INTS4: variants seen among roughly 807,000 people sequenced by gnomAD.
The protein encoded by INTS4 is MSTP093.
In INTS4, 70 loss-of-function variants were observed where a neutral mutation model predicts 119.5. The observed-to-expected ratio is 0.59, with a 90% CI of 0.48 to 0.71. The LOEUF (loss-of-function observed/expected upper bound fraction) is 0.71. Ranked by LOEUF, INTS4 falls within the 30% of genes least tolerant of loss-of-function variation. The pLI is 0.00. For missense variants in INTS4, 867 were observed against 1,173.2 expected, an observed-to-expected ratio of 0.74 and a Z score of 3.81; for synonymous variants, 316 against 419.6, an observed-to-expected ratio of 0.75 and a Z score of 3.02.
chr11:77,914,636 G>A (rs572400852), intron 15 of INTS4, among the ~76,000 whole-genome samples: 73 of 152,300 alleles, frequency 4.8e-4, no homozygotes, highest in African/African-American at 1.6e-3. Flanking sequence ...TTTACAGGCC[G>A]TATGGTCTCT....
chr11:77,916,119 T>C (rs1193012368), intron 15 of INTS4, among the ~76,000 whole-genome samples: 4 of 152,240 alleles, frequency 2.6e-5, no homozygotes, highest in Non-Finnish European at 5.9e-5. Context: ...AATTTCTTTC[T>C]GCTTAAATTA....
Position 77,948,659 on chromosome 11 carries a change from AAAAAAAAAC to A in INTS4, c.918+7274_918+7282del, listed in dbSNP as rs1373884575. Among the ~76,000 whole-genome samples the A allele has an allele frequency of 7.8e-3, 600 of 77,166 alleles. 8 individuals carry two copies. Among genetic ancestry groups the A allele is most frequent in the East Asian group, 0.045 (139 of 3,066 alleles). The allele number at this position is 77,166 out of a possible 152,430, so 50.6% of individuals were successfully genotyped here. A position where few individuals can be genotyped will look rare whatever the true frequency, so the allele number is the denominator to read the frequency against. On this transcript the variant is annotated intron_variant, in intron 8 of 22. Coordinates refer to ENST00000534064, the MANE Select transcript of INTS4 (RefSeq NM_033547.4). Reference sequence around the variant, plus strand: ...GAGACCCTGTCTCAAAGAAACAAAAAAAAAAAAACAAAAAAAAAAAAGAAGAAGAAGAAG... The same window carrying A: ...GAGACCCTGTCTCAAAGAAACAAAAAAAAAAAAAAAAAGAAGAAGAAGAAG...
chr11:77,911,022 A>G (rs1483551724), intron 15 of INTS4: 6 of 1,288,970 alleles, frequency 4.7e-6, no homozygotes, highest in Non-Finnish European at 6.1e-6. Context: ...GGCATAACAC[A>G]TCAGGTTTCA....
chr11:77,920,745 G>A (rs1049173317), intron 14 of INTS4, among the ~76,000 whole-genome samples: 3 of 151,896 alleles, frequency 2.0e-5, no homozygotes, highest in South Asian at 2.1e-4. Context: ...CCAGCTACTC[G>A]GGAGGCTGAG....
intron 4 of INTS4, among the ~76,000 whole-genome samples, chr11:77,974,043 A>G (rs1230252932): frequency 6.6e-6 from 1 of 152,082 alleles, no homozygotes; most frequent in Non-Finnish European, 1.5e-5. Flanking sequence ...TTCACCAGTG[A>G]AGCCATTGAG....
intron 5 of INTS4, among the ~76,000 whole-genome samples, chr11:77,960,720 G>T (rs1393277221): frequency 1.3e-5 from 2 of 152,044 alleles, no homozygotes; most frequent in South Asian, 2.1e-4. Flanking sequence ...AATTATAACA[G>T]GTTCCTATTG....
At chr11:77,957,068 G>A (rs974937483) in intron 7 of INTS4, among the ~76,000 whole-genome samples, 12 of 151,956 alleles carry the variant, frequency 7.9e-5, no homozygotes, top group Admixed American at 3.3e-4. Flanking sequence ...CTGAGTAGCC[G>A]GGACTACAAA....
chr11:77,974,821 G>A (rs113102520), intron 4 of INTS4, among the ~76,000 whole-genome samples: 114 of 152,114 alleles, frequency 7.5e-4, no homozygotes, highest in Non-Finnish European at 1.4e-3. Context: ...GGCTGGTCTT[G>A]AACTCCTGGG....
chr11:77,874,677 A>C (rs1951550271), downstream of INTS4, among the ~76,000 whole-genome samples: 1 of 152,090 alleles, frequency 6.6e-6, no homozygotes, highest in Non-Finnish European at 1.5e-5. Context: ...AAAGCCTCTG[A>C]GTTAGTTTGT....
chr11:77,956,725 TA>T (rs1954335152), intron 7 of INTS4, among the ~76,000 whole-genome samples: 3 of 13,948 alleles, frequency 2.2e-4, no homozygotes, highest in Non-Finnish European at 3.8e-4. Flanking sequence ...ATAATAATAA[TA>T]ATAATAATAA....
Position 77,991,114 on chromosome 11 carries a change from A to G in INTS4, c.240T>C (p.Tyr80=), listed in dbSNP as rs192779036. 157 of 1,613,646 alleles carry G rather than the reference A, an allele frequency of 9.7e-5. No individual in the cohort carries two copies. The East Asian group carries it at 2.2e-3, about 22-fold the overall frequency. The change falls in exon 2 of 23, where the codon TAT becomes TAC. Residue 80 remains tyrosine (Y), a synonymous_variant. Transcript: ENST00000534064. ...EGVVRILLEH[Y]YKENDPSVRL... ...ATCCTCAAGATTTTCTTACCTTGTA[A>G]TAATGTTCCAAGAGAATCCTGACTA...
At chr11:77,952,897 T>C (rs892304647) in intron 8 of INTS4, among the ~76,000 whole-genome samples, 2 of 152,154 alleles carry the variant, frequency 1.3e-5, no homozygotes, top group Non-Finnish European at 2.9e-5. Flanking sequence ...TCCTCCCCAC[T>C]CCCACCTAGA....
chr11:77,975,784 C>T (rs1855923882), intron 4 of INTS4, among the ~76,000 whole-genome samples: 1 of 151,890 alleles, frequency 6.6e-6, no homozygotes, highest in Non-Finnish European at 1.5e-5. Flanking sequence ...GGTGAAACCC[C>T]GTCTCTACTA....
intron 13 of INTS4, among the ~76,000 whole-genome samples, chr11:77,921,764 C>T (rs1356837230): frequency 6.6e-6 from 1 of 152,154 alleles, no homozygotes; most frequent in Non-Finnish European, 1.5e-5. Flanking sequence ...GGCATGGTGG[C>T]TCACGCCTGT....
chr11:77,890,670 T>G (rs1263404508), intron 21 of INTS4, among the ~76,000 whole-genome samples: 1 of 152,104 alleles, frequency 6.6e-6, no homozygotes, highest in African/African-American at 2.4e-5. Context: ...GAGGAAGAAC[T>G]GTGACATATT....
intron 3 of INTS4, among the ~76,000 whole-genome samples, chr11:77,980,053 T>C (rs1186128997): frequency 6.6e-6 from 1 of 151,348 alleles, no homozygotes; most frequent in Non-Finnish European, 1.5e-5. Flanking sequence ...CCAAATATCC[T>C]AGAAGGCATA....
chr11:77,903,358 T>G (rs1270115794), intron 17 of INTS4, among the ~76,000 whole-genome samples, 182 bp downstream of exon 17: 2 of 152,194 alleles, frequency 1.3e-5, no homozygotes, highest in Non-Finnish European at 2.9e-5. Flanking sequence ...TGAATAAGCT[T>G]ACCTGTGTTG....
At chr11:77,904,736 A>G (rs1465674100) in intron 16 of INTS4, among the ~76,000 whole-genome samples, 1 of 152,212 alleles carries the variant, frequency 6.6e-6, no homozygotes, top group Non-Finnish European at 1.5e-5. Flanking sequence ...TGGGGATTAG[A>G]TCATAATCCC....
At chr11:77,976,557 C>T (rs1855959276) in intron 4 of INTS4, among the ~76,000 whole-genome samples, 1 of 152,016 alleles carries the variant, frequency 6.6e-6, no homozygotes, top group Non-Finnish European at 1.5e-5. Flanking sequence ...ACCATTTGAC[C>T]CAGCAATCCC....
Sources: gnomAD v4.1 joint callset for allele counts (sites outside exome capture counted in the v4.1 genomes callset) on GRCh38, gnomAD v4.1.1 for gene constraint, MANE v1.5 for transcripts, NCBI Gene and HGNC (gene_info 2026-07-23, HGNC 2026-07-21) for gene names.